The following CLVS2 variants were observed in gnomAD, a reference collection of about 807,000 sequenced individuals.
The protein encoded by CLVS2 is clavesin-2.
A neutral mutation model predicts 29.0 loss-of-function variants in CLVS2; 19 were observed. That is an observed-to-expected ratio of 0.66 (90% CI 0.46 to 0.96). CLVS2 has a LOEUF of 0.96. Among genes scored for constraint, CLVS2 ranks in the 40% least tolerant of loss-of-function variants. CLVS2 has a pLI of 0.00. For missense variants in CLVS2, 294 were observed against 404.1 expected (o/e 0.73, Z 2.34); for synonymous variants, 161 against 151.3 (o/e 1.06, Z -0.47).
intron 3 of CLVS2, among the ~76,000 whole-genome samples, chr6:123,042,431 G>T (rs1775247390): frequency 6.6e-6 from 1 of 152,104 alleles, no homozygotes; most frequent in East Asian, 1.9e-4. Context: ...TTCCTTTATT[G>T]TGTGTGTGCC....
chr6:123,061,324 C>A lies in CLVS2; in HGVS notation c.897-2350C>A, dbSNP rs56011408. The stretch of plus-strand genomic sequence containing the variant: ...ACAAAACAAAACCGAAAAAAAAAAA[C>A]CCAGAAACCTCTGAGATGTATGAGT... On this transcript the variant is annotated intron_variant, in intron 5 of 5. Coordinates refer to ENST00000275162, the MANE Select transcript of CLVS2 (RefSeq NM_001010852.4). Among the ~76,000 whole-genome samples the A allele has an allele frequency of 9.6e-3, 1,446 of 150,044 alleles. 15 individuals carry two copies. The highest frequency in any genetic ancestry group is 0.033 in the African/African-American group (1,371 of 41,054).
intron 3 of CLVS2, among the ~76,000 whole-genome samples, chr6:123,044,926 G>A (rs1019900441): frequency 6.6e-6 from 1 of 151,970 alleles, no homozygotes; most frequent in Non-Finnish European, 1.5e-5. Flanking sequence ...CTCTTCCATG[G>A]TCATTTCCAC....
chr6:123,049,805 G>GT (rs1554203166), intron 4 of CLVS2, among the ~76,000 whole-genome samples: 1 of 58,400 alleles, frequency 1.7e-5, no homozygotes, highest in Non-Finnish European at 5.1e-5. Flanking sequence ...GTTGTGGGAT[G>GT]GGGGGCGGGG....
intron 2 of CLVS2, 134 bp downstream of exon 2, chr6:122,998,300 G>A (rs760430416): frequency 3.0e-5 from 35 of 1,172,354 alleles, no homozygotes; most frequent in Non-Finnish European, 4.0e-5. Context: ...CAAACCAGGA[G>A]ATGAGTTTTT....
chr6:123,010,420 G>A (rs921249052), intron 2 of CLVS2, among the ~76,000 whole-genome samples: 3 of 152,014 alleles, frequency 2.0e-5, no homozygotes, highest in Non-Finnish European at 4.4e-5. Context: ...TTGTATTATT[G>A]TAGGTAAATT....
At chr6:123,013,955 C>A (rs1210370634) in intron 3 of CLVS2, among the ~76,000 whole-genome samples, 1 of 152,052 alleles carries the variant, frequency 6.6e-6, no homozygotes, top group Non-Finnish European at 1.5e-5. Context: ...ATAATGGTTT[C>A]CAGTTTTCAT....
rs568710199 is a variant in CLVS2 at position 123,058,296 on chromosome 6, C to A, written c.896+2270C>A. Among the ~76,000 whole-genome samples, 13 of 152,206 alleles carry A rather than the reference C, an allele frequency of 8.5e-5. No individual in the cohort carries two copies. In the South Asian group the frequency reaches 2.7e-3, roughly 32 times the overall value. ...CACCACTGACATAAAGCCTGCCTAC[C>A]CTTCGTGGCACAGAGGCCCTTTCTC... On this transcript the variant is annotated intron_variant, in intron 5 of 5. Coordinates refer to ENST00000275162, the MANE Select transcript of CLVS2 (RefSeq NM_001010852.4).
In CLVS2 at chr6:123,064,676, ATAT is replaced by A. The variant is rs1772827639; in HGVS notation, c.*916_*918del. 6.6e-6 allele frequency: 1 copy of A among 151,630 alleles called. No individual in the cohort carries two copies. The highest frequency in any genetic ancestry group is 1.5e-5 in the Non-Finnish European group (1 of 67,804). 9.4% of individuals were successfully genotyped at this position (151,630 alleles called of 1,614,324 possible). ...GTTGTGCACTGGTTAAAAAGTATAT[ATAT>A]ATATATATTCACACATATATATTTT... On this transcript the variant is annotated 3_prime_UTR_variant, in exon 6 of 6. Coordinates refer to ENST00000275162, the MANE Select transcript of CLVS2 (RefSeq NM_001010852.4).
intron 2 of CLVS2, among the ~76,000 whole-genome samples, chr6:123,004,786 G>A (rs1310188310): frequency 6.6e-6 from 1 of 152,010 alleles, no homozygotes; most frequent in African/African-American, 2.4e-5. Context: ...GGTGGCGGGC[G>A]CCTGTAATCC....
intron 3 of CLVS2, among the ~76,000 whole-genome samples, chr6:123,013,144 T>C (rs1774775364): frequency 6.6e-6 from 1 of 152,120 alleles, no homozygotes. Flanking sequence ...TAACACTTTC[T>C]GACTTTTTAA....
In CLVS2 at chr6:123,010,976, C is replaced by G; in HGVS notation, c.390-9C>G. 1 of 1,447,876 alleles carries G rather than the reference C, an allele frequency of 6.9e-7. No individual in the cohort carries two copies. The highest frequency in any genetic ancestry group is 9.2e-7 in the Non-Finnish European group (1 of 1,088,524). 89.7% of individuals were successfully genotyped at this position (1,447,876 alleles called of 1,614,324 possible). ...CAGACCTAATTTAGTACTTTTCTGTCGCCGATAGGTACACACTGGTGGATA... is the reference window on the plus strand; with the variant it reads ...CAGACCTAATTTAGTACTTTTCTGTGGCCGATAGGTACACACTGGTGGATA... On this transcript the variant is annotated splice_polypyrimidine_tract_variant and intron_variant, in intron 2 of 5. Coordinates refer to ENST00000275162, the MANE Select transcript of CLVS2 (RefSeq NM_001010852.4).
At chr6:123,039,396 C>A (rs574424505) in intron 3 of CLVS2, among the ~76,000 whole-genome samples, 1 of 152,272 alleles carries the variant, frequency 6.6e-6, no homozygotes, top group East Asian at 1.9e-4. Flanking sequence ...AAAAGTGGCA[C>A]AGTTATTTGT....
intron 3 of CLVS2, among the ~76,000 whole-genome samples, chr6:123,018,658 T>C (rs1774876116): frequency 7.3e-6 from 1 of 136,378 alleles, no homozygotes; most frequent in Non-Finnish European, 1.5e-5. Flanking sequence ...TTTCTTTATG[T>C]TCTGAATAGC....
At chr6:123,038,437 T>A (rs1775184363) in intron 3 of CLVS2, among the ~76,000 whole-genome samples, 1 of 152,218 alleles carries the variant, frequency 6.6e-6, no homozygotes, top group Non-Finnish European at 1.5e-5. Flanking sequence ...ATATAATTTG[T>A]CTTTGTGCCA....
intron 2 of CLVS2, among the ~76,000 whole-genome samples, chr6:123,006,030 A>C (rs1342800730): frequency 6.6e-6 from 1 of 152,246 alleles, no homozygotes; most frequent in Non-Finnish European, 1.5e-5. Context: ...ACAGTGAAAG[A>C]GTTTTTAAGC....
intron 2 of CLVS2, among the ~76,000 whole-genome samples, chr6:123,007,949 A>G (rs1362876663): frequency 6.6e-6 from 1 of 152,180 alleles, no homozygotes; most frequent in East Asian, 1.9e-4. Context: ...AACAGTTAAA[A>G]TAATTTTAAA....
At chr6:123,026,449 A>G (rs1240929650) in intron 3 of CLVS2, among the ~76,000 whole-genome samples, 1 of 152,192 alleles carries the variant, frequency 6.6e-6, no homozygotes, top group Non-Finnish European at 1.5e-5. Context: ...CTATTTCAAA[A>G]ATAATATTAG....
At chr6:122,996,986 C>T (rs961612563) in intron 1 of CLVS2, among the ~76,000 whole-genome samples, 1 of 151,918 alleles carries the variant, frequency 6.6e-6, no homozygotes, top group African/African-American at 2.4e-5. Flanking sequence ...GGAGCCCACG[C>T]TGGTACCAAC....
In CLVS2 at chr6:123,068,885, T is replaced by G. The variant is rs905554479; in HGVS notation, c.*5124T>G. On this transcript the variant is annotated 3_prime_UTR_variant, in exon 6 of 6. Coordinates refer to ENST00000275162, the MANE Select transcript of CLVS2 (RefSeq NM_001010852.4). The stretch of plus-strand genomic sequence containing the variant: ...CTTTTATTTTGTATATTTTATATTT[T>G]AAATGTATACATTTATTTTGCACAT... 6.6e-6 allele frequency: 1 copy of G among 151,722 alleles called. No homozygotes were observed. The highest frequency in any genetic ancestry group is 2.4e-5 in the African/African-American group (1 of 41,418). 9.4% of individuals were successfully genotyped at this position (151,722 alleles called of 1,614,324 possible).
Sources: gnomAD v4.1 joint callset for allele counts (sites outside exome capture counted in the v4.1 genomes callset) on GRCh38, gnomAD v4.1.1 for gene constraint, MANE v1.5 for transcripts, NCBI Gene and HGNC (gene_info 2026-07-23, HGNC 2026-07-21) for gene names.